IL1RAPL2: variants seen among roughly 807,000 people sequenced by gnomAD.
IL1RAPL2 encodes the protein X-linked interleukin-1 receptor accessory protein-like 2.
In IL1RAPL2, 3 loss-of-function variants were observed where a neutral mutation model predicts 44.1. The observed-to-expected ratio is 0.07, with a 90% CI of 0.03 to 0.18. The LOEUF is 0.18. Ranked by LOEUF, IL1RAPL2 falls within the 10% of genes least tolerant of loss-of-function variation. The pLI, the probability that IL1RAPL2 is intolerant of heterozygous loss-of-function variation, is 1.00. For synonymous variants in IL1RAPL2, 181 were observed against 178.8 expected, an observed-to-expected ratio of 1.01 and a Z score of -0.10; for missense variants, 391 against 496.4, an observed-to-expected ratio of 0.79 and a Z score of 2.02.
chrX:105,078,919 G>A (rs1400579048), intron 2 of IL1RAPL2, among the ~76,000 whole-genome samples: 1 of 112,058 alleles, frequency 8.9e-6, no homozygotes, highest in African/African-American at 3.2e-5. Context: ...GATTTTCCAG[G>A]TGCCCTCTGT....
At chrX:105,242,054 A>G (rs1389713621) in intron 4 of IL1RAPL2, among the ~76,000 whole-genome samples, 1 of 112,074 alleles carries the variant, frequency 8.9e-6, no homozygotes, top group Non-Finnish European at 1.9e-5. Flanking sequence ...GGCCTAGGAC[A>G]ACAGACTGAA....
intron 6 of IL1RAPL2, among the ~76,000 whole-genome samples, chrX:105,676,647 G>T: frequency 8.9e-6 from 1 of 111,966 alleles, no homozygotes; most frequent in Middle Eastern, 4.7e-3. Context: ...CCTGCTAAAG[G>T]TTACTGCTAC....
intron 1 of IL1RAPL2, among the ~76,000 whole-genome samples, chrX:104,625,312 C>T (rs948048450): frequency 2.7e-5 from 3 of 111,034 alleles, no homozygotes; most frequent in Non-Finnish European, 5.7e-5. Context: ...CAAAACAAAA[C>T]AAAAAATGAA....
At chrX:104,916,115 G>T (rs1924419225) in intron 2 of IL1RAPL2, among the ~76,000 whole-genome samples, 1 of 111,729 alleles carries the variant, frequency 9.0e-6, no homozygotes, top group African/African-American at 3.3e-5. Context: ...GAAAGTCATT[G>T]GTAGCTTGAT....
intron 2 of IL1RAPL2, among the ~76,000 whole-genome samples, chrX:104,841,318 T>C (rs1921896884): frequency 8.9e-6 from 1 of 111,785 alleles, no homozygotes; most frequent in Non-Finnish European, 1.9e-5. Flanking sequence ...TACAGAACAC[T>C]GATGGGTCTT....
chrX:105,461,019 CTT>C (rs1427817176), intron 5 of IL1RAPL2, among the ~76,000 whole-genome samples: 1 of 111,791 alleles, frequency 8.9e-6, no homozygotes, highest in African/African-American at 3.2e-5. Context: ...TCTATTCTCT[CTT>C]ATGTATTTGC....
At chrX:104,995,167 AT>A (rs1161761181) in intron 2 of IL1RAPL2, among the ~76,000 whole-genome samples, 1 of 111,082 alleles carries the variant, frequency 9.0e-6, no homozygotes, top group East Asian at 2.9e-4. Flanking sequence ...CTACACAGTT[AT>A]TTGCTTACCT....
At chrX:105,356,313 A>G (rs1273185186) in intron 5 of IL1RAPL2, among the ~76,000 whole-genome samples, 2 of 111,054 alleles carry the variant, frequency 1.8e-5, no homozygotes, top group African/African-American at 6.5e-5. Context: ...GATTTTTTCA[A>G]TTGAGAATAT....
chrX:105,605,431 T>C (rs1442421367), intron 6 of IL1RAPL2, among the ~76,000 whole-genome samples: 3 of 111,372 alleles, frequency 2.7e-5, no homozygotes, highest in Non-Finnish European at 5.7e-5. Flanking sequence ...TTCAAAACAC[T>C]GATGAATGAA....
intron 5 of IL1RAPL2, among the ~76,000 whole-genome samples, chrX:105,436,672 A>G (rs1430882980): frequency 3.6e-5 from 4 of 110,890 alleles, no homozygotes; most frequent in African/African-American, 1.3e-4. Flanking sequence ...AAAATAACGC[A>G]TTTCCAACAG....
At chrX:105,119,507 T>C (rs1174080070) in intron 2 of IL1RAPL2, among the ~76,000 whole-genome samples, 3 of 111,829 alleles carry the variant, frequency 2.7e-5, no homozygotes, top group Non-Finnish European at 5.6e-5. Context: ...TAATTTCTAC[T>C]TCCCCACACC....
intron 7 of IL1RAPL2, among the ~76,000 whole-genome samples, chrX:105,728,973 T>A (rs943065064): frequency 9.0e-6 from 1 of 111,326 alleles, no homozygotes; most frequent in African/African-American, 3.2e-5. Flanking sequence ...ACGTTTGGAA[T>A]CCTACAGTAT....
intron 1 of IL1RAPL2, among the ~76,000 whole-genome samples, chrX:104,620,931 T>C (rs760218426): frequency 1.0e-3 from 103 of 102,759 alleles, no homozygotes; most frequent in African/African-American, 3.6e-3. Flanking sequence ...TTCTATAATT[T>C]ATATAATAAT....
intron 6 of IL1RAPL2, among the ~76,000 whole-genome samples, chrX:105,711,909 C>T (rs956364264): frequency 5.3e-5 from 6 of 112,307 alleles, no homozygotes; most frequent in Non-Finnish European, 7.5e-5. Flanking sequence ...GCCTCCCTGT[C>T]CCATATCCTG....
chrX:104,739,589 G>T (rs772749209), intron 2 of IL1RAPL2, among the ~76,000 whole-genome samples: 1 of 111,725 alleles, frequency 9.0e-6, no homozygotes, highest in African/African-American at 3.3e-5. Context: ...TGACCATATG[G>T]ATTGCTCCCC....
chrX:105,308,782 T>C (rs1020417167), intron 5 of IL1RAPL2, among the ~76,000 whole-genome samples: 3 of 111,878 alleles, frequency 2.7e-5, no homozygotes, highest in Non-Finnish European at 3.8e-5. Context: ...AAAATATATT[T>C]TCCTTTCTCT....
At chrX:104,819,764 C>T (rs141938045) in intron 2 of IL1RAPL2, among the ~76,000 whole-genome samples, 10 of 111,614 alleles carry the variant, frequency 9.0e-5, no homozygotes, top group East Asian at 2.8e-4. Context: ...TAACATTATG[C>T]GGTAAAAATG....
At chrX:104,719,746 G>A (rs1266035580) in intron 2 of IL1RAPL2, among the ~76,000 whole-genome samples, 1 of 111,641 alleles carries the variant, frequency 9.0e-6, no homozygotes, top group East Asian at 2.8e-4. Flanking sequence ...GCATATATGT[G>A]CAGAGAGGTG....
rs768024906 is a variant in IL1RAPL2 at position 104,614,540 on chromosome X, A to G, written c.-19-44355A>G. On this transcript the variant is annotated intron_variant, in intron 1 of 10. Coordinates refer to ENST00000372582, the MANE Select transcript of IL1RAPL2 (RefSeq NM_017416.2). Reference sequence around the variant, plus strand: ...ATTCTGTAGATGCCTATGAGGTCCAACTGATCAAATGTTGAGTTCAAGTCC... The same window carrying G: ...ATTCTGTAGATGCCTATGAGGTCCAGCTGATCAAATGTTGAGTTCAAGTCC... 7.2e-5 allele frequency among the ~76,000 whole-genome samples: 8 copies of G among 111,668 alleles called. No individual in the cohort carries two copies. The South Asian group carries it at 1.1e-3, about 16-fold the overall frequency.
Sources: gnomAD v4.1 joint callset for allele counts (sites outside exome capture counted in the v4.1 genomes callset) on GRCh38, gnomAD v4.1.1 for gene constraint, MANE v1.5 for transcripts, NCBI Gene and HGNC (gene_info 2026-07-23, HGNC 2026-07-21) for gene names.